Variants in SHOC1 observed in about 807,000 individuals in gnomAD.
SHOC1 encodes protein shortage in chiasmata 1 ortholog.
SHOC1 carries 136 observed loss-of-function variants against 179.2 expected under a neutral mutation model. The ratio of observed to expected loss-of-function variants is 0.76; its 90% CI spans 0.66 to 0.87. The LOEUF (loss-of-function observed/expected upper bound fraction) is 0.87. Among genes scored for constraint, SHOC1 ranks in the 40% least tolerant of loss-of-function variants. The pLI, the probability that SHOC1 is intolerant of heterozygous loss-of-function variation, is 0.00. For missense variants in SHOC1, 1,538 were observed against 1,700.8 expected (o/e 0.90, Z 1.68); for synonymous variants, 489 against 586.6 (o/e 0.83, Z 2.41).
Position 111,691,702 on chromosome 9 carries a change from G to C in SHOC1, c.4275C>G (p.Val1425=), listed in dbSNP as rs772425673. ...DETFWRELPS[V]PSLDLFRASD... is the part of the protein sequence containing the mutation. ...AAGCACGAAATAAATCCAAACTGGGGACAGATGGTAATTCTCTCCAGAAAG... is the reference window on the plus strand; with the variant it reads ...AAGCACGAAATAAATCCAAACTGGGCACAGATGGTAATTCTCTCCAGAAAG... Residue 1425 remains valine, a synonymous_variant, in exon 27 of 28, where the codon GTC becomes GTG. Coordinates refer to ENST00000682961, the MANE Select transcript of SHOC1 (RefSeq NM_001378211.1). The C allele has an allele frequency of 4.3e-6, 7 of 1,613,988 alleles. No homozygotes were observed.
chr9:111,694,218 T>G lies in SHOC1; in HGVS notation c.3315+13A>C, dbSNP rs934894657. 22 of 1,590,066 alleles carry G rather than the reference T, an allele frequency of 1.4e-5. No homozygotes were observed. Among genetic ancestry groups the G allele is most frequent in the Non-Finnish European group, 1.8e-5 (21 of 1,168,052 alleles). On this transcript the variant is annotated intron_variant, in intron 25 of 27. Coordinates refer to ENST00000682961, the MANE Select transcript of SHOC1 (RefSeq NM_001378211.1). ...CTTTGCAATTATCTATTTTACACAT[T>G]TAGAAAATATACCTCAGATGGTGAA... is the stretch of plus-strand genomic sequence containing the variant.
At chr9:111,747,899 G>T (rs1412680740) in intron 9 of SHOC1, among the ~76,000 whole-genome samples, 193 bp downstream of exon 9, 1 of 152,008 alleles carries the variant, frequency 6.6e-6, no homozygotes, top group Non-Finnish European at 1.5e-5. Flanking sequence ...ATTCAGTTTT[G>T]ATGCCAGTAG....
chr9:111,707,659 G>T (rs977682934), intron 19 of SHOC1, among the ~76,000 whole-genome samples, 196 bp downstream of exon 19: 4 of 152,116 alleles, frequency 2.6e-5, no homozygotes, highest in African/African-American at 9.6e-5. Flanking sequence ...TACATTTCTG[G>T]ACGCCAATAA....
At chr9:111,786,127 T>G in intron 2 of SHOC1, 92 bp from the exon 3 acceptor site, 3 of 934,566 alleles carry the variant, frequency 3.2e-6, no homozygotes, top group Non-Finnish European at 4.3e-6. Flanking sequence ...TTGAAACTTA[T>G]ATGATTTTTC....
At chr9:111,794,229 G>A (rs960402102) in intron 1 of SHOC1, among the ~76,000 whole-genome samples, 1 of 151,004 alleles carries the variant, frequency 6.6e-6, no homozygotes, top group Non-Finnish European at 1.5e-5. Flanking sequence ...ACCAGCCTAA[G>A]GCATCAGGAG....
At position 111,723,859 on chromosome 9, in the gene SHOC1, A is replaced by C; in HGVS notation, c.1887T>G (p.Ile629Met). ...TLQEESPIVH[I>M]NKTLEEINQE... ...GATTTATTTCCTCCAGGGTTTTATT[A>C]ATATGAACAATAGGACTTTCTTCTT... The change falls in exon 14 of 28, where the codon ATT becomes ATG. Residue 629 changes from isoleucine to methionine, a missense_variant. Coordinates refer to ENST00000682961, the MANE Select transcript of SHOC1 (RefSeq NM_001378211.1). 1 of 1,592,384 alleles carries C rather than the reference A, an allele frequency of 6.3e-7. No individual in the cohort carries two copies.
chr9:111,722,370 C>T (rs1229555009), intron 15 of SHOC1, 39 bp downstream of exon 15: 3 of 1,530,672 alleles, frequency 2.0e-6, no homozygotes, highest in Non-Finnish European at 2.6e-6. Flanking sequence ...AATTTCTAAG[C>T]ATATCTTTTT....
At position 111,692,402 on chromosome 9, in the gene SHOC1, G is replaced by A. The variant is rs1209567790; in HGVS notation, c.3575C>T (p.Ser1192Phe). 1 of 1,613,476 alleles carries A rather than the reference G, an allele frequency of 6.2e-7. No homozygotes were observed. Among genetic ancestry groups the A allele is most frequent in the Non-Finnish European group, 8.5e-7 (1 of 1,179,800 alleles). Residue 1192 changes from serine to phenylalanine, a missense_variant, in exon 27 of 28, where the codon TCT becomes TTT. By Grantham distance (155) the Ser-to-Phe change is radical. Transcript: ENST00000682961. ...GTCTAAATCAGAAGCTGAACTTTGA[G>A]AAGACAAGGTACTAATCTGATTCCT... ...ENRNQISTLS[S>F]QSSASDLDSV...
At chr9:111,741,897 G>T (rs1274490682) in intron 10 of SHOC1, among the ~76,000 whole-genome samples, 2 of 152,132 alleles carry the variant, frequency 1.3e-5, no homozygotes, top group Non-Finnish European at 2.9e-5. Context: ...CTCCCAAAGT[G>T]CTGGGATTAC....
In SHOC1 at chr9:111,702,101, C is replaced by A; in HGVS notation, c.3089+4G>T. 2 of 1,466,444 alleles carry A rather than the reference C, an allele frequency of 1.4e-6. No individual in the cohort carries two copies. The highest frequency in any genetic ancestry group is 1.3e-5 in the South Asian group (1 of 79,470). 90.8% of individuals were successfully genotyped at this position (1,466,444 alleles called of 1,614,324 possible). Reference sequence around the variant, plus strand: ...TAACTTTGGATGAAGAAATGTTTACCTACTCTGAATTTAATGTTTCTTTGG... The same window carrying A: ...TAACTTTGGATGAAGAAATGTTTACATACTCTGAATTTAATGTTTCTTTGG... On this transcript the variant is annotated splice_donor_region_variant and intron_variant, in intron 23 of 27. Coordinates refer to ENST00000682961, the MANE Select transcript of SHOC1 (RefSeq NM_001378211.1).
intron 12 of SHOC1, among the ~76,000 whole-genome samples, chr9:111,729,491 A>T (rs1221610672): frequency 6.6e-5 from 10 of 152,160 alleles, no homozygotes; most frequent in Admixed American, 5.9e-4. Flanking sequence ...AATTTCTTAA[A>T]CTAAGACAAC....
chr9:111,717,621 A>G (rs1832854586), intron 16 of SHOC1, among the ~76,000 whole-genome samples: 1 of 152,026 alleles, frequency 6.6e-6, no homozygotes, highest in Non-Finnish European at 1.5e-5. Flanking sequence ...AGTCTAAATA[A>G]TCTTGCAATA....
chr9:111,702,101 C>G lies in SHOC1; in HGVS notation c.3089+4G>C. On this transcript the variant is annotated splice_donor_region_variant and intron_variant, in intron 23 of 27. Transcript: ENST00000682961. ...TAACTTTGGATGAAGAAATGTTTAC[C>G]TACTCTGAATTTAATGTTTCTTTGG... The G allele has an allele frequency of 6.8e-7, 1 of 1,466,446 alleles. No individual in the cohort carries two copies. The allele number at this position is 1,466,446 out of a possible 1,614,324, so 90.8% of individuals were successfully genotyped here.
chr9:111,776,096 A>T (rs1835822740), intron 4 of SHOC1, 121 bp from the exon 5 acceptor site: 1 of 687,578 alleles, frequency 1.5e-6, no homozygotes, highest in South Asian at 1.9e-5. Flanking sequence ...GAGAAGAAAC[A>T]TCTATATTCC....
intron 7 of SHOC1, among the ~76,000 whole-genome samples, chr9:111,757,761 C>T (rs985140055): frequency 3.3e-5 from 5 of 152,192 alleles, no homozygotes; most frequent in Non-Finnish European, 4.4e-5. Flanking sequence ...GACATGACTA[C>T]TTAATTTCCT....
intron 5 of SHOC1, among the ~76,000 whole-genome samples, chr9:111,761,541 T>G (rs940060236): frequency 1.3e-5 from 2 of 151,948 alleles, no homozygotes; most frequent in African/African-American, 4.8e-5. Context: ...TCATGCACCT[T>G]CAAGAAAATA....
At position 111,723,843 on chromosome 9, in the gene SHOC1, C is replaced by T. The variant is rs772112642; in HGVS notation, c.1903G>A (p.Glu635Lys). ...TCTGTTCCCCTTTCCTGATTTATTT[C>T]CTCCAGGGTTTTATTAATATGAACA... is the stretch of plus-strand genomic sequence containing the variant. ...PIVHINKTLEEINQERGTDSV... is the reference protein window; with the variant it reads ...PIVHINKTLEKINQERGTDSV... The change falls in exon 14 of 28, where the codon GAA (glutamate) becomes AAA (lysine). Residue 635 changes from glutamate (E) to lysine (K), a missense_variant. Transcript: ENST00000682961. The T allele has an allele frequency of 3.1e-6, 5 of 1,608,516 alleles. No individual in the cohort carries two copies. The African/African-American group carries it at 5.3e-5, about 17-fold the overall frequency.
chr9:111,771,133 G>A (rs1835590586), intron 5 of SHOC1, among the ~76,000 whole-genome samples: 2 of 151,954 alleles, frequency 1.3e-5, no homozygotes, highest in South Asian at 2.1e-4. Flanking sequence ...CTGATAGTAC[G>A]TTTTAATTTG....
At chr9:111,743,216 CT>C (rs895100603) in intron 10 of SHOC1, among the ~76,000 whole-genome samples, 3 of 150,658 alleles carry the variant, frequency 2.0e-5, no homozygotes, top group African/African-American at 7.3e-5. Flanking sequence ...ATTTTTCCTT[CT>C]TTTTTTCAAA....
Sources: allele counts gnomAD v4.1 joint callset (sites outside exome capture counted in the v4.1 genomes callset), GRCh38; gene constraint gnomAD v4.1.1; transcripts MANE v1.5; gene names NCBI Gene and HGNC (gene_info 2026-07-23, HGNC 2026-07-21).